EIF1: variants seen among roughly 807,000 people sequenced by gnomAD.
The protein encoded by EIF1 is eukaryotic translation initiation factor 1, also known as protein translation factor SUI1 homolog.
Under a neutral mutation model 13.7 loss-of-function variants are expected in EIF1, and 4 were observed. The observed-to-expected ratio is 0.29, with a 90% CI of 0.14 to 0.67. EIF1 has a LOEUF of 0.67. Ranked by LOEUF, EIF1 falls within the 30% of genes least tolerant of loss-of-function variation. The probability of loss-of-function intolerance (pLI) is 0.77; values close to 1 mark genes in which losing one functional copy is unlikely to be tolerated. For missense variants in EIF1, 64 were observed against 138.0 expected (o/e 0.46, Z 2.69); for synonymous variants, 67 against 50.7 (o/e 1.32, Z -1.37).
intron 2 of EIF1, 53 bp from the exon 3 acceptor site, chr17:41,690,035 T>G: frequency 6.2e-7 from 1 of 1,609,934 alleles, no homozygotes; most frequent in Non-Finnish European, 8.5e-7. Flanking sequence ...GAAGGGGTGA[T>G]AAATGCGTTC....
rs201041799 is a variant in EIF1 at position 41,691,437 on chromosome 17, C to T, written c.*611C>T. 6.5e-6 allele frequency: 1 copy of T among 154,216 alleles called. No homozygotes were observed. The highest frequency in any genetic ancestry group is 6.5e-5 in the Admixed American group (1 of 15,302). 9.6% of individuals were successfully genotyped at this position (154,216 alleles called of 1,614,324 possible). Reference sequence around the variant, plus strand: ...AACATCAGAATGTGAGGCCAACCTTCTATCAGAGTTAAACTTTTGACAAGG... The same window carrying T: ...AACATCAGAATGTGAGGCCAACCTTTTATCAGAGTTAAACTTTTGACAAGG... On this transcript the variant is annotated 3_prime_UTR_variant, in exon 4 of 4. Coordinates refer to ENST00000469257, the MANE Select transcript of EIF1 (RefSeq NM_005801.4).
chr17:41,690,324 ACTTATTT>A, intron 3 of EIF1, 135 bp downstream of exon 3: 1 of 648,520 alleles, frequency 1.5e-6, no homozygotes, highest in African/African-American at 1.8e-5. Flanking sequence ...AAGTACATAG[ACTTATTT>A]CTGTTTTATA....
chr17:41,690,065 T>C (rs760041210), intron 2 of EIF1, 23 bp from the exon 3 acceptor site: 18 of 1,613,068 alleles, frequency 1.1e-5, no homozygotes, highest in Non-Finnish European at 1.3e-5. Context: ...CTAGGCCTAA[T>C]TCGTTTTCCT....
chr17:41,689,521 C>G lies in EIF1; in HGVS notation c.32-257C>G, dbSNP rs748621068. ...TTGCATCAGCTGGGTGGGGCACCGC[C>G]TGGCAGCCCGGACTCCCCCGACATG... On this transcript the variant is annotated intron_variant, in intron 1 of 3. Coordinates refer to ENST00000469257, the MANE Select transcript of EIF1 (RefSeq NM_005801.4). 4 of 478,640 alleles carry G rather than the reference C, an allele frequency of 8.4e-6. No homozygotes were observed. In the South Asian group the frequency reaches 9.1e-5, roughly 11 times the overall value. The allele number at this position is 478,640 out of a possible 1,614,324, so 29.6% of individuals were successfully genotyped here. A position where few individuals can be genotyped will look rare whatever the true frequency, so the allele number is the denominator to read the frequency against.
At chr17:41,690,313 A>G in intron 3 of EIF1, 124 bp downstream of exon 3, 1 of 699,624 alleles carries the variant, frequency 1.4e-6, no homozygotes. Context: ...GTTGGGTTTT[A>G]AAGTACATAG....
rs902598507 is a variant in EIF1, at chr17:41,692,527, C to T, written c.*1701C>T. 1 of 140,592 alleles carries T rather than the reference C, an allele frequency of 7.1e-6. No individual in the cohort carries two copies. Among genetic ancestry groups the T allele is most frequent in the African/African-American group, 2.6e-5 (1 of 39,126 alleles). 8.7% of individuals were successfully genotyped at this position (140,592 alleles called of 1,614,324 possible). On this transcript the variant is annotated 3_prime_UTR_variant, in exon 4 of 4. Transcript: ENST00000469257. ...GGATGCTTCATTCAACAATGAGCCT[C>T]ACAGCCGTGCTACACAATAAGATTA...
At chr17:41,689,601 G>C in intron 1 of EIF1, 177 bp from the exon 2 acceptor site, 2 of 566,586 alleles carry the variant, frequency 3.5e-6, no homozygotes, top group Non-Finnish European at 5.9e-6. Context: ...GCCTGGGGAA[G>C]CTGGCCGTCC....
chr17:41,689,882 A>G lies in EIF1; in HGVS notation c.136A>G (p.Thr46Ala), dbSNP rs1218411070. ...GAGAAACGGCAGGAAGACCCTTACT[A>G]CTGTCCAAGGGATCGCTGATGATTA... ...QQRNGRKTLT[T>A]VQGIADDYDK... Residue 46 changes from threonine (T) to alanine (A), a missense_variant, in exon 2 of 4, where the codon ACT becomes GCT. Physicochemically the swap from Thr to Ala is moderately conservative, Grantham distance 58. Coordinates refer to ENST00000469257, the MANE Select transcript of EIF1 (RefSeq NM_005801.4). 6.2e-7 allele frequency: 1 copy of G among 1,614,046 alleles called. No individual in the cohort carries two copies.
chr17:41,689,094 C>T (rs1322497619), intron 1 of EIF1, 25 bp downstream of exon 1: 1 of 1,613,186 alleles, frequency 6.2e-7, no homozygotes, highest in Non-Finnish European at 8.5e-7. Context: ...AGGTCGCGGG[C>T]CCGGGTGGGG....
Position 41,692,476 on chromosome 17 carries a change from T to C in EIF1, c.*1650T>C, listed in dbSNP as rs999013966. ...AGGCAAAGTTCTTTCAGCACACATATCTGCATGCAGTCACGTGCTGCCTAA... is the reference window on the plus strand; with the variant it reads ...AGGCAAAGTTCTTTCAGCACACATACCTGCATGCAGTCACGTGCTGCCTAA... On this transcript the variant is annotated 3_prime_UTR_variant, in exon 4 of 4. Transcript: ENST00000469257. 1.3e-5 allele frequency: 2 copies of C among 152,166 alleles called. No individual in the cohort carries two copies. Among genetic ancestry groups the C allele is most frequent in the African/African-American group, 2.4e-5 (1 of 41,434 alleles). 9.4% of individuals were successfully genotyped at this position (152,166 alleles called of 1,614,324 possible). A position where few individuals can be genotyped will look rare whatever the true frequency, so the allele number is the denominator to read the frequency against.
intron 1 of EIF1, 166 bp downstream of exon 1, chr17:41,689,235 G>C: frequency 1.3e-6 from 1 of 790,822 alleles, no homozygotes; most frequent in Non-Finnish European, 2.0e-6. Flanking sequence ...CCCCGGGGTC[G>C]GACCCTGAGC....
chr17:41,689,991 G>T, intron 2 of EIF1, 50 bp downstream of exon 2: 1 of 1,611,968 alleles, frequency 6.2e-7, no homozygotes, highest in Non-Finnish European at 8.5e-7. Flanking sequence ...TTGTCCACAA[G>T]GGGGTGCCAG....
Position 41,691,256 on chromosome 17 carries a change from T to C in EIF1, c.*430T>C. On this transcript the variant is annotated 3_prime_UTR_variant, in exon 4 of 4. Coordinates refer to ENST00000469257, the MANE Select transcript of EIF1 (RefSeq NM_005801.4). Reference sequence around the variant, plus strand: ...AAGGCAGAAGCACCAGCTGTACTACTAGAAGGGAGCTTTTGGTGGTAGATC... The same window carrying C: ...AAGGCAGAAGCACCAGCTGTACTACCAGAAGGGAGCTTTTGGTGGTAGATC... 1 of 307,314 alleles carries C rather than the reference T, an allele frequency of 3.3e-6. No homozygotes were observed. The highest frequency in any genetic ancestry group is 1.3e-4 in the South Asian group (1 of 7,840). 19.0% of individuals were successfully genotyped at this position (307,314 alleles called of 1,614,324 possible).
chr17:41,692,620 G>A lies in EIF1; in HGVS notation c.*1794G>A, dbSNP rs1383935865. On this transcript the variant is annotated 3_prime_UTR_variant, in exon 4 of 4. Transcript: ENST00000469257. Reference sequence around the variant, plus strand: ...TGGCCTACAAGAAGCTTGTGTGGATGGCTTTGAATGTGGCCCAACACGAAC... The same window carrying A: ...TGGCCTACAAGAAGCTTGTGTGGATAGCTTTGAATGTGGCCCAACACGAAC... 1.3e-5 allele frequency: 2 copies of A among 151,874 alleles called. No homozygotes were observed. Among genetic ancestry groups the A allele is most frequent in the African/African-American group, 4.8e-5 (2 of 41,326 alleles). 9.4% of individuals were successfully genotyped at this position (151,874 alleles called of 1,614,324 possible).
rs193167092 is a variant in EIF1, at chr17:41,690,972, C to T, written c.*146C>T. The T allele has an allele frequency of 8.9e-6, 7 of 790,038 alleles. No homozygotes were observed. The highest frequency in any genetic ancestry group is 5.2e-5 in the African/African-American group (3 of 58,054). 48.9% of individuals were successfully genotyped at this position (790,038 alleles called of 1,614,324 possible). A position where few individuals can be genotyped will look rare whatever the true frequency, so the allele number is the denominator to read the frequency against. On this transcript the variant is annotated 3_prime_UTR_variant, in exon 4 of 4. Transcript: ENST00000469257. ...GCTTTTAACTTGGACTAGTGTAACT[C>T]CTTCATGCAATAAACTGAAAAGAGC...
intron 2 of EIF1, 63 bp downstream of exon 2, chr17:41,690,004 G>C: frequency 6.2e-7 from 1 of 1,611,974 alleles, no homozygotes; most frequent in Admixed American, 1.7e-5. Flanking sequence ...GGTGCCAGCT[G>C]TGTTGTATGT....
rs1910350292 is a variant in EIF1, at chr17:41,690,713, T to C, written c.298-69T>C. ...TGTAGTAGCAGGAAGACAGGGTTGT[T>C]GCCATTAGAAATGGAGGCTTTAACT... is the stretch of plus-strand genomic sequence containing the variant. On this transcript the variant is annotated intron_variant, in intron 3 of 3. Coordinates refer to ENST00000469257, the MANE Select transcript of EIF1 (RefSeq NM_005801.4). The C allele has an allele frequency of 5.1e-6, 8 of 1,561,840 alleles. No individual in the cohort carries two copies. In the Admixed American group the frequency reaches 1.0e-4, roughly 20 times the overall value.
intron 1 of EIF1, 108 bp downstream of exon 1, chr17:41,689,177 C>A: frequency 1.5e-6 from 2 of 1,320,342 alleles, no homozygotes; most frequent in Non-Finnish European, 2.2e-6. Flanking sequence ...TAAGCTCGGG[C>A]AGGGGAAACT....
At chr17:41,689,333 G>T in intron 1 of EIF1, 1 of 575,618 alleles carries the variant, frequency 1.7e-6, no homozygotes. Flanking sequence ...GGGCCTCCTC[G>T]GGCCACACCC....
Sources: allele counts gnomAD v4.1 joint callset, GRCh38; gene constraint gnomAD v4.1.1; transcripts MANE v1.5; gene names NCBI Gene and HGNC (gene_info 2026-07-23, HGNC 2026-07-21).